SOX5: variants seen among roughly 807,000 people sequenced by gnomAD.
SOX5 encodes the protein SRY-box transcription factor 5.
A neutral mutation model predicts 92.0 loss-of-function variants in SOX5; 9 were observed. That is an observed-to-expected ratio of 0.10 (90% CI 0.06 to 0.17). The LOEUF (loss-of-function observed/expected upper bound fraction) is 0.17, where lower values mean the gene tolerates loss of function less well. Ranked by LOEUF, SOX5 falls within the 10% of genes least tolerant of loss-of-function variation. The pLI is 1.00. For synonymous variants in SOX5, 344 were observed against 336.3 expected (o/e 1.02, Z -0.25); for missense variants, 642 against 944.5 (o/e 0.68, Z 4.20).
intron 3 of SOX5, among the ~76,000 whole-genome samples, chr12:24,263,019 C>T (rs887815160): frequency 2.6e-5 from 4 of 151,548 alleles, no homozygotes; most frequent in African/African-American, 4.9e-5. Flanking sequence ...GTCAGGAGTT[C>T]GAGGCCAGAC....
In SOX5 at chr12:23,949,280, G is replaced by C. The variant is rs141725771; in HGVS notation, c.38+284C>G. On this transcript the variant is annotated intron_variant, in intron 1 of 14. Coordinates refer to ENST00000451604, the MANE Select transcript of SOX5 (RefSeq NM_006940.6). ...AGTAAGAGAGTGAATGAGAAAGACAGAAGCAGCGAGTTGGGGAGAGAGAGA... is the reference window on the plus strand; with the variant it reads ...AGTAAGAGAGTGAATGAGAAAGACACAAGCAGCGAGTTGGGGAGAGAGAGA... 7.5e-3 allele frequency among the ~76,000 whole-genome samples: 1,148 copies of C among 152,308 alleles called. 10 individuals carry two copies. Among genetic ancestry groups the C allele is most frequent in the Non-Finnish European group, 0.011 (724 of 68,030 alleles).
At chr12:24,275,333 G>A (rs1245109091) in intron 3 of SOX5, among the ~76,000 whole-genome samples, 1 of 151,986 alleles carries the variant, frequency 6.6e-6, no homozygotes, top group East Asian at 1.9e-4. Context: ...ATATGCACAT[G>A]TAGAGATATA....
Position 24,324,452 on chromosome 12 carries a change from G to T in SOX5, c.-174+44111C>A, listed in dbSNP as rs189021978. Among the ~76,000 whole-genome samples, 9 of 150,712 alleles carry T rather than the reference G, an allele frequency of 6.0e-5. No individual in the cohort carries two copies. In the East Asian group the frequency reaches 1.8e-3, roughly 29 times the overall value. On this transcript the variant is annotated intron_variant, in intron 2 of 4. Coordinates refer to the SOX5 transcript ENST00000446891. Reference sequence around the variant, plus strand: ...TTCTTCTTTAGAAGGACTATTTTACGTGGGCAACTCTATATATAGTTGCGA... The same window carrying T: ...TTCTTCTTTAGAAGGACTATTTTACTTGGGCAACTCTATATATAGTTGCGA...
intron 2 of SOX5, among the ~76,000 whole-genome samples, chr12:24,317,533 C>T (rs189919780): frequency 6.6e-4 from 100 of 152,308 alleles, no homozygotes; most frequent in Middle Eastern, 6.8e-3. Flanking sequence ...TAAGTGTCTT[C>T]ACTTAACTAA....
At chr12:23,762,368 C>G (rs2094584403) in intron 3 of SOX5, 1 of 357,224 alleles carries the variant, frequency 2.8e-6, no homozygotes, top group Admixed American at 4.7e-5. Context: ...TGTGAATAGC[C>G]ACCACACTCC....
chr12:23,615,664 T>C (rs1592605484), intron 8 of SOX5, among the ~76,000 whole-genome samples: 1 of 139,906 alleles, frequency 7.1e-6, no homozygotes, highest in Non-Finnish European at 1.5e-5. Flanking sequence ...TTTATGTTCC[T>C]GCAAAAGACA....
intron 4 of SOX5, among the ~76,000 whole-genome samples, chr12:24,204,540 G>C (rs1002597904): frequency 6.6e-6 from 1 of 152,028 alleles, no homozygotes; most frequent in Non-Finnish European, 1.5e-5. Context: ...TGTTAGCCAG[G>C]CTGGTCTCAA....
chr12:24,256,774 C>T (rs1251960691), intron 3 of SOX5, among the ~76,000 whole-genome samples: 1 of 152,192 alleles, frequency 6.6e-6, no homozygotes, highest in Non-Finnish European at 1.5e-5. Context: ...TAAACACACA[C>T]ACAGAGCATA....
chr12:23,913,232 G>A (rs1029942765), intron 1 of SOX5, among the ~76,000 whole-genome samples: 1 of 151,908 alleles, frequency 6.6e-6, no homozygotes, highest in Non-Finnish European at 1.5e-5. Flanking sequence ...GCTTTAAATT[G>A]GATTTTTCCC....
At chr12:24,392,727 A>G (rs1959123044) in intron 1 of SOX5, among the ~76,000 whole-genome samples, 1 of 152,142 alleles carries the variant, frequency 6.6e-6, no homozygotes, top group Non-Finnish European at 1.5e-5. Context: ...TGTTTTGTTC[A>G]TTAGTATATT....
chr12:24,279,435 A>C (rs1430210006), intron 2 of SOX5, among the ~76,000 whole-genome samples: 1 of 152,130 alleles, frequency 6.6e-6, no homozygotes, highest in Non-Finnish European at 1.5e-5. Context: ...CTTTTATCAG[A>C]AAAGAGGTTG....
chr12:23,593,609 T>C (rs966579919), intron 9 of SOX5, among the ~76,000 whole-genome samples: 3 of 152,202 alleles, frequency 2.0e-5, no homozygotes, highest in Non-Finnish European at 4.4e-5. Context: ...TAGATCTTTG[T>C]ATATAAACTC....
At chr12:23,656,056 C>A (rs2082265927) in intron 7 of SOX5, among the ~76,000 whole-genome samples, 1 of 152,088 alleles carries the variant, frequency 6.6e-6, no homozygotes, top group Non-Finnish European at 1.5e-5. Flanking sequence ...GTATGTAGAG[C>A]AGACATTACT....
chr12:23,804,881 T>A (rs2095731833), intron 3 of SOX5, among the ~76,000 whole-genome samples: 1 of 137,434 alleles, frequency 7.3e-6, no homozygotes, highest in Non-Finnish European at 1.6e-5. Context: ...TATTTCCTGA[T>A]ATTTAACATT....
chr12:24,285,483 AC>A (rs1383094620), intron 2 of SOX5, among the ~76,000 whole-genome samples: 8 of 152,104 alleles, frequency 5.3e-5, no homozygotes, highest in African/African-American at 1.9e-4. Flanking sequence ...TTCTTTACAA[AC>A]TTGCTTTGTC....
chr12:23,907,755 A>G (rs1365707360), intron 1 of SOX5, among the ~76,000 whole-genome samples: 4 of 152,194 alleles, frequency 2.6e-5, no homozygotes, highest in African/African-American at 9.6e-5. Context: ...GCAAAAAAAA[A>G]AAAATGTTTC....
chr12:24,263,818 C>A (rs1942619696), intron 3 of SOX5, among the ~76,000 whole-genome samples: 1 of 152,100 alleles, frequency 6.6e-6, no homozygotes, highest in Non-Finnish European at 1.5e-5. Context: ...ACTGGAAGTT[C>A]CTCAAAGAAA....
intron 4 of SOX5, among the ~76,000 whole-genome samples, chr12:24,005,955 T>C (rs1952110015): frequency 6.6e-6 from 1 of 152,206 alleles, no homozygotes; most frequent in Non-Finnish European, 1.5e-5. Flanking sequence ...AGAAAAATCC[T>C]GAAAGTAGTG....
chr12:24,271,434 G>T (rs1221518481), intron 3 of SOX5, among the ~76,000 whole-genome samples: 2 of 152,110 alleles, frequency 1.3e-5, no homozygotes, highest in East Asian at 3.9e-4. Flanking sequence ...CCTTGTCAAT[G>T]ATGTTTTTGA....
Sources: allele counts gnomAD v4.1 joint callset (sites outside exome capture counted in the v4.1 genomes callset), GRCh38; gene constraint gnomAD v4.1.1; transcripts MANE v1.5; gene names NCBI Gene and HGNC (gene_info 2026-07-23, HGNC 2026-07-21).